The following CACNA1E variants were observed in gnomAD, a reference collection of about 807,000 sequenced individuals.
CACNA1E encodes voltage-dependent R-type calcium channel subunit alpha-1E.
In CACNA1E, 40 loss-of-function variants were observed where a neutral mutation model predicts 259.2. That is an observed-to-expected ratio of 0.15 (90% CI 0.12 to 0.20). CACNA1E has a LOEUF of 0.20. Among genes scored for constraint, CACNA1E ranks in the 10% least tolerant of loss-of-function variants. The pLI is 1.00. For synonymous variants in CACNA1E, 1,104 were observed against 1,138.5 expected, an observed-to-expected ratio of 0.97 and a Z score of 0.61; for missense variants, 1,874 against 3,040.1, an observed-to-expected ratio of 0.62 and a Z score of 9.02.
In CACNA1E at chr1:181,793,731, A is replaced by G. The variant is rs1430285738; in HGVS notation, c.5965A>G (p.Thr1989Ala). The change falls in exon 45 of 48, where the codon ACC becomes GCC. Residue 1989 changes from threonine to alanine, a missense_variant. This residue lies in a region of CACNA1E where 542 missense variants were observed against 587.2 expected (regional missense o/e 0.92). Transcript: ENST00000367573. Reference protein sequence around the residue: ...SNHGIYLPSDTQEHAGSGRAS... With the variant: ...SNHGIYLPSDAQEHAGSGRAS... Reference sequence around the variant, plus strand: ...CCATGGCATCTACCTTCCTTCGGACACCCAGGAGCATGCGGGATCTGGGAG... The same window carrying G: ...CCATGGCATCTACCTTCCTTCGGACGCCCAGGAGCATGCGGGATCTGGGAG... 1 of 1,611,704 alleles carries G rather than the reference A, an allele frequency of 6.2e-7. No individual in the cohort carries two copies. Among genetic ancestry groups the G allele is most frequent in the Non-Finnish European group, 8.5e-7 (1 of 1,179,434 alleles).
intron 24 of CACNA1E, among the ~76,000 whole-genome samples, chr1:181,738,887 C>T (rs888863330): frequency 2.6e-5 from 4 of 152,166 alleles, no homozygotes; most frequent in South Asian, 2.1e-4. Context: ...GTGCTCTGAG[C>T]CATAAATGAA....
chr1:181,654,780 C>T lies in CACNA1E; in HGVS notation c.1055+3339C>T, dbSNP rs552334753. Among the ~76,000 whole-genome samples the T allele has an allele frequency of 7.2e-5, 11 of 152,142 alleles. No individual in the cohort carries two copies. The East Asian group carries it at 1.9e-3, about 27-fold the overall frequency. ...CGGGCAGATCACGAGGTCAGGAGAT[C>T]GAGACCATCCTGGCTAACACAGTGA... On this transcript the variant is annotated intron_variant, in intron 7 of 47. Coordinates refer to ENST00000367573, the MANE Select transcript of CACNA1E (RefSeq NM_001205293.3).
At chr1:181,387,004 C>T (rs879541738) in intron 1 of CACNA1E, among the ~76,000 whole-genome samples, 10 of 152,170 alleles carry the variant, frequency 6.6e-5, no homozygotes, top group Admixed American at 6.5e-4. Context: ...TCCTGATTTC[C>T]TTGGGCTGAT....
chr1:181,739,288 T>C, intron 25 of CACNA1E, 35 bp downstream of exon 25: 1 of 1,347,316 alleles, frequency 7.4e-7, no homozygotes, highest in South Asian at 1.2e-5. Flanking sequence ...TTCCCTTCCT[T>C]CCCCTCTTCC....
intron 6 of CACNA1E, among the ~76,000 whole-genome samples, chr1:181,596,097 G>T (rs931013367): frequency 6.6e-6 from 1 of 152,184 alleles, no homozygotes; most frequent in Non-Finnish European, 1.5e-5. Context: ...GGAGAAAGAT[G>T]GGAGATTGGG....
At chr1:181,411,196 A>G (rs986566711) in intron 1 of CACNA1E, among the ~76,000 whole-genome samples, 3 of 152,216 alleles carry the variant, frequency 2.0e-5, no homozygotes, top group African/African-American at 7.2e-5. Context: ...GACTCCCCCC[A>G]GTACTTAGAC....
intron 1 of CACNA1E, among the ~76,000 whole-genome samples, chr1:181,334,185 AG>A (rs1269974422): frequency 6.8e-6 from 1 of 147,612 alleles, no homozygotes; most frequent in Non-Finnish European, 1.5e-5. Flanking sequence ...TGACATGGAC[AG>A]GCACTTCTTC....
chr1:181,520,699 T>G (rs1666939336), intron 3 of CACNA1E, among the ~76,000 whole-genome samples: 1 of 152,214 alleles, frequency 6.6e-6, no homozygotes, highest in Non-Finnish European at 1.5e-5. Context: ...ATATCTAATT[T>G]TATCAAAATT....
intron 7 of CACNA1E, among the ~76,000 whole-genome samples, chr1:181,687,802 AT>A (rs1478091499): frequency 6.6e-6 from 1 of 152,068 alleles, no homozygotes; most frequent in Non-Finnish European, 1.5e-5. Flanking sequence ...AAAAGACATT[AT>A]TTCCCCCATT....
chr1:181,578,667 T>A (rs1651217642), intron 4 of CACNA1E, among the ~76,000 whole-genome samples: 1 of 152,270 alleles, frequency 6.6e-6, no homozygotes, highest in African/African-American at 2.4e-5. Flanking sequence ...TTTCCAGTTT[T>A]TCTCCAACTA....
chr1:181,797,329 G>A (rs1242440796), intron 47 of CACNA1E, among the ~76,000 whole-genome samples: 3 of 152,144 alleles, frequency 2.0e-5, no homozygotes, highest in Non-Finnish European at 2.9e-5. Flanking sequence ...CACCAGCTTG[G>A]TGCCTAAGGA....
At chr1:181,434,324 A>T (rs1287169615) in intron 2 of CACNA1E, among the ~76,000 whole-genome samples, 2 of 152,052 alleles carry the variant, frequency 1.3e-5, no homozygotes, top group South Asian at 4.2e-4. Context: ...AAGTGGCTTA[A>T]TTTTTTTTAC....
At chr1:181,425,995 C>T (rs1178494408) in intron 2 of CACNA1E, among the ~76,000 whole-genome samples, 1 of 152,146 alleles carries the variant, frequency 6.6e-6, no homozygotes, top group Non-Finnish European at 1.5e-5. Flanking sequence ...TGATGAGGAA[C>T]CTGCAACCCT....
At chr1:181,447,138 G>C (rs1284691970) in intron 2 of CACNA1E, among the ~76,000 whole-genome samples, 1 of 152,066 alleles carries the variant, frequency 6.6e-6, no homozygotes. Flanking sequence ...AGAATATCAA[G>C]GTTTCTCTTA....
rs369674366 is a variant in CACNA1E, at chr1:181,688,778, T to C, written c.1056-22176T>C. Among the ~76,000 whole-genome samples the C allele has an allele frequency of 7.2e-5, 11 of 152,316 alleles. No homozygotes were observed. The East Asian group carries it at 1.5e-3, about 21-fold the overall frequency. ...CTGTTTAACTGCAATTTTTACCATTTGGCTAACATCTCTCCATTTCCCCTT... is the reference window on the plus strand; with the variant it reads ...CTGTTTAACTGCAATTTTTACCATTCGGCTAACATCTCTCCATTTCCCCTT... On this transcript the variant is annotated intron_variant, in intron 7 of 47. Transcript: ENST00000367573.
chr1:181,641,703 G>GTTTTTTTTCTTT (rs1657767599), intron 6 of CACNA1E, among the ~76,000 whole-genome samples: 14 of 81,116 alleles, frequency 1.7e-4, no homozygotes, highest in Non-Finnish European at 3.0e-4. Flanking sequence ...CTAATTTTTT[G>GTTTTTTTTCTTT]TTTTTTTTTT....
intron 25 of CACNA1E, among the ~76,000 whole-genome samples, chr1:181,745,982 G>A (rs368266750): frequency 6.6e-6 from 1 of 152,146 alleles, no homozygotes; most frequent in Non-Finnish European, 1.5e-5. Flanking sequence ...GAGTGTGTGT[G>A]AGGAGCTCGT....
At chr1:181,442,288 G>T (rs544517849) in intron 2 of CACNA1E, among the ~76,000 whole-genome samples, 1 of 127,066 alleles carries the variant, frequency 7.9e-6, no homozygotes, top group South Asian at 2.5e-4. Context: ...ATGAGGGTCA[G>T]GGCATGAGGG....
At chr1:181,772,964 A>G (rs1179898075) in intron 37 of CACNA1E, among the ~76,000 whole-genome samples, 2 of 152,186 alleles carry the variant, frequency 1.3e-5, no homozygotes, top group Non-Finnish European at 2.9e-5. Flanking sequence ...TGCATATCAG[A>G]CAAGCAGTGA....
Sources: gnomAD v4.1 joint callset for allele counts (sites outside exome capture counted in the v4.1 genomes callset) on GRCh38, gnomAD v4.1.1 for gene constraint, gnomAD v4.1.1 regional missense constraint, MANE v1.5 for transcripts, NCBI Gene and HGNC (gene_info 2026-07-23, HGNC 2026-07-21) for gene names.